The following HMGN1 variants were observed in gnomAD, a reference collection of about 807,000 sequenced individuals.
HMGN1 encodes the protein non-histone chromosomal protein HMG-14.
In HMGN1, 9 loss-of-function variants were observed where a neutral mutation model predicts 18.4. That is an observed-to-expected ratio of 0.49 (90% CI 0.29 to 0.85). HMGN1 has a LOEUF of 0.85. Ranked by LOEUF, HMGN1 falls within the 40% of genes least tolerant of loss-of-function variation. The pLI is 0.07. For synonymous variants in HMGN1, 59 were observed against 45.0 expected, an observed-to-expected ratio of 1.31 and a Z score of -1.24; for missense variants, 151 against 119.2, an observed-to-expected ratio of 1.27 and a Z score of -1.24.
chr21:39,345,481 A>G (rs140105247), intron 4 of HMGN1: 39 of 595,474 alleles, frequency 6.5e-5, no homozygotes, highest in Middle Eastern at 4.3e-4. Context: ...GACTGTATCC[A>G]TAACAGCTGT....
chr21:39,348,419 T>C lies in HMGN1; in HGVS notation c.78+3A>G, dbSNP rs2037140300. 1.9e-6 allele frequency: 3 copies of C among 1,614,142 alleles called. No homozygotes were observed. The South Asian group carries it at 3.3e-5, about 18-fold the overall frequency. On this transcript the variant is annotated splice_donor_region_variant and intron_variant, in intron 3 of 5. Coordinates refer to ENST00000380749, the MANE Select transcript of HMGN1 (RefSeq NM_004965.7). ...GAACGGTTACGGGGCTCGCTTTACTTACAGCTGACAACCGCGCCGATCTCC... is the reference window on the plus strand; with the variant it reads ...GAACGGTTACGGGGCTCGCTTTACTCACAGCTGACAACCGCGCCGATCTCC...
intron 2 of HMGN1, 46 bp downstream of exon 2, chr21:39,348,499 C>T (rs756521159): frequency 6.2e-7 from 1 of 1,613,898 alleles, no homozygotes; most frequent in Non-Finnish European, 8.5e-7. Flanking sequence ...GGCAGGCCAG[C>T]GGCTCACGGG....
intron 4 of HMGN1, chr21:39,345,844 C>T (rs912302792): frequency 7.7e-7 from 1 of 1,302,074 alleles, no homozygotes; most frequent in Non-Finnish European, 1.0e-6. Context: ...AAAAAAGCAC[C>T]ATGCCGTACG....
intron 4 of HMGN1, chr21:39,345,766 TTTG>T: frequency 8.0e-7 from 1 of 1,242,640 alleles, no homozygotes. Flanking sequence ...CATCCCCAAA[TTTG>T]TTGTGAACTT....
chr21:39,345,037 A>G (rs1219297539), intron 5 of HMGN1, 109 bp downstream of exon 5: 10 of 1,310,636 alleles, frequency 7.6e-6, no homozygotes, highest in African/African-American at 2.9e-5. Flanking sequence ...ACTTTGTTCA[A>G]TATTATAATG....
At chr21:39,347,903 T>C (rs1336505675) in intron 4 of HMGN1, 17 of 984,270 alleles carry the variant, frequency 1.7e-5, no homozygotes, top group Non-Finnish European at 2.1e-5. Context: ...AAACTGTATA[T>C]ATAAAAACTT....
chr21:39,345,741 G>C, intron 4 of HMGN1: 1 of 935,570 alleles, frequency 1.1e-6, no homozygotes, highest in African/African-American at 1.7e-5. Flanking sequence ...GAGTCTCGTC[G>C]ACCGTATTCC....
At position 39,343,159 on chromosome 21, in the gene HMGN1, T is replaced by C. The variant is rs762832592; in HGVS notation, c.256A>G (p.Ser86Gly). The change falls in exon 6 of 6, where the codon AGT becomes GGT. Residue 86 changes from serine to glycine, a missense_variant and splice_region_variant. Physicochemically the swap from Ser to Gly is moderately conservative, Grantham distance 56. Transcript: ENST00000380749. ...AENGETKTEESPASDEAGEKE... is the reference protein window; with the variant it reads ...AENGETKTEEGPASDEAGEKE... ...TCTCCTGCTTCATCAGAGGCTGGACTCTGCAAAAGAAAGGAAATTGAGATC... is the reference window on the plus strand; with the variant it reads ...TCTCCTGCTTCATCAGAGGCTGGACCCTGCAAAAGAAAGGAAATTGAGATC... The C allele has an allele frequency of 1.9e-6, 3 of 1,594,748 alleles. No individual in the cohort carries two copies. The African/African-American group carries it at 4.0e-5, about 22-fold the overall frequency.
intron 1 of HMGN1, 56 bp downstream of exon 1, chr21:39,348,847 G>C (rs2037166955): frequency 9.5e-7 from 1 of 1,056,590 alleles, no homozygotes; most frequent in East Asian, 5.9e-5. Context: ...CGCGGGGCCC[G>C]GCGGGGCGCC....
At chr21:39,344,294 A>T (rs1270267585) in intron 5 of HMGN1, among the ~76,000 whole-genome samples, 2 of 151,842 alleles carry the variant, frequency 1.3e-5, no homozygotes, top group African/African-American at 4.8e-5. Context: ...GAAGTACAAG[A>T]AGTACAAGTT....
At chr21:39,347,055 AAAACACACAC>A (rs2037079268) in intron 4 of HMGN1, 1 of 126,462 alleles carries the variant, frequency 7.9e-6, no homozygotes, top group Non-Finnish European at 1.8e-5. Context: ...CAATTAGTTT[AAAACACACAC>A]ACACACACAC....
At position 39,348,538 on chromosome 21, in the gene HMGN1, C is replaced by T; in HGVS notation, c.48+7G>A. 1.2e-6 allele frequency: 2 copies of T among 1,613,710 alleles called. No individual in the cohort carries two copies. The highest frequency in any genetic ancestry group is 1.7e-6 in the Non-Finnish European group (2 of 1,179,828). On this transcript the variant is annotated splice_region_variant and intron_variant, in intron 2 of 5. Transcript: ENST00000380749. ...CCCACCACCCCCCGCAGAAGGCCCG[C>T]ACTCACCTCTTCCTTGGCGGCGCCT...
chr21:39,348,444 C>T lies in HMGN1; in HGVS notation c.56G>A (p.Arg19Lys), dbSNP rs749886207. 6.8e-6 allele frequency: 11 copies of T among 1,614,088 alleles called. No homozygotes were observed. The highest frequency in any genetic ancestry group is 9.3e-6 in the Non-Finnish European group (11 of 1,180,056). The change falls in exon 3 of 6, where the codon AGG (arginine) becomes AAG (lysine). Residue 19 changes from arginine (R) to lysine (K), a missense_variant. Transcript: ENST00000380749. ...TACAGCTGACAACCGCGCCGATCTC[C>T]TCTTGGGCTTGGAGAAAGAAAAAGG... ...AEGAAKEEPK[R>K]RSARLSAKPP...
In HMGN1 at chr21:39,345,211, C is replaced by T. The variant is rs139139360; in HGVS notation, c.190G>A (p.Glu64Lys). ...GKRGAKGKQA[E>K]VANQETKEDL... ...TCTTTAGTTTCTTGGTTAGCCACTTCGGCCTGTTTTCCCTTTGCTCCCCTT... is the reference window on the plus strand; with the variant it reads ...TCTTTAGTTTCTTGGTTAGCCACTTTGGCCTGTTTTCCCTTTGCTCCCCTT... The change falls in exon 5 of 6, where the codon GAA becomes AAA. Residue 64 changes from glutamate (E) to lysine (K), a missense_variant. Transcript: ENST00000380749. The T allele has an allele frequency of 3.4e-4, 545 of 1,613,594 alleles. 2 individuals are homozygous for T. The highest frequency in any genetic ancestry group is 2.9e-3 in the Middle Eastern group (17 of 5,866).
chr21:39,348,856 CCGG>C, intron 1 of HMGN1, 44 bp downstream of exon 1: 1 of 1,074,362 alleles, frequency 9.3e-7, no homozygotes, highest in African/African-American at 1.7e-5. Context: ...CGGCGGGGCG[CCGG>C]CGGCGGCTCC....
intron 4 of HMGN1, chr21:39,347,278 C>G: frequency 1.1e-6 from 1 of 895,456 alleles, no homozygotes; most frequent in Non-Finnish European, 1.4e-6. Flanking sequence ...AAAAGGATCA[C>G]AAAAACAGAA....
chr21:39,345,767 T>G (rs1357715731), intron 4 of HMGN1: 2 of 1,248,152 alleles, frequency 1.6e-6, no homozygotes, highest in African/African-American at 1.5e-5. Flanking sequence ...ATCCCCAAAT[T>G]TGTTGTGAAC....
At chr21:39,347,953 C>G in intron 4 of HMGN1, 2 of 1,142,514 alleles carry the variant, frequency 1.8e-6, no homozygotes, top group Middle Eastern at 4.0e-4. Context: ...TATCTTGACT[C>G]TTTTATTGTC....
At chr21:39,348,768 T>C in intron 1 of HMGN1, 135 bp downstream of exon 1, 1 of 1,054,754 alleles carries the variant, frequency 9.5e-7, no homozygotes, top group Non-Finnish European at 1.3e-6. Context: ...AGCGCTCGCC[T>C]GCCCGCCCGC....
Sources: allele counts gnomAD v4.1 joint callset (sites outside exome capture counted in the v4.1 genomes callset), GRCh38; gene constraint gnomAD v4.1.1; transcripts MANE v1.5; gene names NCBI Gene and HGNC (gene_info 2026-07-23, HGNC 2026-07-21).